RPS6KC1: variants seen among roughly 807,000 people sequenced by gnomAD.
The protein encoded by RPS6KC1 is inactive ribosomal protein S6 kinase delta-1.
A neutral mutation model predicts 103.8 loss-of-function variants in RPS6KC1; 54 were observed. That is an observed-to-expected ratio of 0.52 (90% CI 0.42 to 0.65). The LOEUF (loss-of-function observed/expected upper bound fraction) is 0.65, where lower values mean the gene tolerates loss of function less well. Ranked by LOEUF, RPS6KC1 falls within the 30% of genes least tolerant of loss-of-function variation. The pLI, the probability that RPS6KC1 is intolerant of heterozygous loss-of-function variation, is 0.00. For missense variants in RPS6KC1, 1,151 were observed against 1,253.8 expected, an observed-to-expected ratio of 0.92 and a Z score of 1.24; for synonymous variants, 439 against 438.7, an observed-to-expected ratio of 1.00 and a Z score of -0.01.
chr1:213,268,962 A>G (rs771714684), intron 14 of RPS6KC1, among the ~76,000 whole-genome samples: 10 of 152,226 alleles, frequency 6.6e-5, no homozygotes, highest in African/African-American at 1.2e-4. Flanking sequence ...CAGTAAATCT[A>G]GAAAACAAGT....
At chr1:213,197,967 G>A (rs1390529367) in intron 8 of RPS6KC1, among the ~76,000 whole-genome samples, 1 of 152,068 alleles carries the variant, frequency 6.6e-6, no homozygotes, top group Non-Finnish European at 1.5e-5. Context: ...ATTGAGATAT[G>A]AGGTATTGTT....
At chr1:213,677,922 C>G in the RPS6KC1 span, among the ~76,000 whole-genome samples, 133 of 151,998 alleles carry the variant, frequency 8.8e-4, no homozygotes, top group African/African-American at 3.0e-3. Flanking sequence ...AGGAGAATTG[C>G]TTGAACCCGG....
At chr1:213,236,802 A>G (rs1399404075) in intron 10 of RPS6KC1, among the ~76,000 whole-genome samples, 1 of 152,164 alleles carries the variant, frequency 6.6e-6, no homozygotes, top group Non-Finnish European at 1.5e-5. Flanking sequence ...TACAAAACAG[A>G]AAGGAGGTAG....
chr1:213,194,678 G>A (rs910810157), intron 8 of RPS6KC1, among the ~76,000 whole-genome samples: 23 of 152,192 alleles, frequency 1.5e-4, no homozygotes, highest in African/African-American at 5.3e-4. Context: ...TCTCATAGGA[G>A]CGCAAACCCT....
chr1:213,263,014 A>G (rs921865351), intron 14 of RPS6KC1, among the ~76,000 whole-genome samples, 198 bp downstream of exon 14: 1 of 152,200 alleles, frequency 6.6e-6, no homozygotes, highest in African/African-American at 2.4e-5. Flanking sequence ...GAGTATAGTT[A>G]AAACTTCTTG....
At chr1:213,706,756 T>C in the RPS6KC1 span, among the ~76,000 whole-genome samples, 1 of 152,136 alleles carries the variant, frequency 6.6e-6, no homozygotes, top group African/African-American at 2.4e-5. Flanking sequence ...TGCCCATATG[T>C]TCTCATTGTT....
At chr1:213,643,031 T>C in the RPS6KC1 span, among the ~76,000 whole-genome samples, 5 of 151,906 alleles carry the variant, frequency 3.3e-5, no homozygotes, top group Admixed American at 1.3e-4. Context: ...ATTGGTGTTT[T>C]CATCTATTCT....
the RPS6KC1 span, among the ~76,000 whole-genome samples, chr1:213,426,987 T>C: frequency 3.3e-5 from 5 of 152,220 alleles, no homozygotes; most frequent in African/African-American, 1.2e-4. Flanking sequence ...AAGGCAAGTT[T>C]GTTCCTTAGG....
chr1:213,421,454 T>G, the RPS6KC1 span, among the ~76,000 whole-genome samples: 1 of 152,212 alleles, frequency 6.6e-6, no homozygotes, highest in African/African-American at 2.4e-5. Context: ...TAAATCCTAA[T>G]AGTCTGTCTC....
chr1:213,503,456 G>C, the RPS6KC1 span, among the ~76,000 whole-genome samples: 1 of 152,192 alleles, frequency 6.6e-6, no homozygotes, highest in Non-Finnish European at 1.5e-5. Flanking sequence ...TTCCCCTTCA[G>C]CAGGGGCTCT....
rs540112837 is a variant in RPS6KC1 at position 213,122,976 on chromosome 1, A to G, written c.472+5566A>G. Among the ~76,000 whole-genome samples the G allele has an allele frequency of 2.1e-4, 32 of 152,226 alleles. No individual in the cohort carries two copies. In the South Asian group the frequency reaches 6.6e-3, roughly 32 times the overall value. On this transcript the variant is annotated intron_variant, in intron 5 of 14. Coordinates refer to ENST00000366960, the MANE Select transcript of RPS6KC1 (RefSeq NM_012424.6). ...CTAGGGCTATTGAGGATAATATTGGATATTAGGAGTTTAGGGGTTGGGTGG... is the reference window on the plus strand; with the variant it reads ...CTAGGGCTATTGAGGATAATATTGGGTATTAGGAGTTTAGGGGTTGGGTGG...
intron 6 of RPS6KC1, among the ~76,000 whole-genome samples, chr1:213,153,724 T>C (rs1330739311): frequency 1.3e-5 from 2 of 152,232 alleles, no homozygotes; most frequent in East Asian, 3.8e-4. Flanking sequence ...TTCTTTCTGA[T>C]TGAAGTACTC....
At chr1:213,232,313 G>A in intron 10 of RPS6KC1, 58 bp downstream of exon 10, 2 of 1,600,434 alleles carry the variant, frequency 1.2e-6, no homozygotes, top group Non-Finnish European at 1.7e-6. Context: ...TTAGCTTCCA[G>A]TTTCTCTCTG....
At chr1:213,094,237 C>G (rs780590575) in intron 3 of RPS6KC1, among the ~76,000 whole-genome samples, 3 of 152,104 alleles carry the variant, frequency 2.0e-5, no homozygotes, top group Non-Finnish European at 4.4e-5. Context: ...GAATAAAATG[C>G]AGACATCATG....
chr1:213,199,610 C>A lies in RPS6KC1; in HGVS notation c.1044+23118C>A, dbSNP rs187328773. Among the ~76,000 whole-genome samples the A allele has an allele frequency of 2.0e-5, 3 of 152,300 alleles. No individual in the cohort carries two copies. In the East Asian group the frequency reaches 5.8e-4, roughly 29 times the overall value. On this transcript the variant is annotated intron_variant, in intron 8 of 14. Transcript: ENST00000366960. ...ACAAGACAAGGATGCCCTCCCTTGC[C>A]ACTCTTATTCAACATAGTATTGGAA...
the RPS6KC1 span, among the ~76,000 whole-genome samples, chr1:213,670,227 C>CT: frequency 6.6e-6 from 1 of 152,156 alleles, no homozygotes; most frequent in African/African-American, 2.4e-5. Flanking sequence ...CTCATCTGCC[C>CT]TTAACAGTGG....
At chr1:213,855,973 G>A in the RPS6KC1 span, among the ~76,000 whole-genome samples, 3 of 152,186 alleles carry the variant, frequency 2.0e-5, no homozygotes, top group East Asian at 5.8e-4. Context: ...CTGTCTGCCT[G>A]GGCAGAGGCT....
chr1:213,088,869 G>A (rs894055668), intron 3 of RPS6KC1, among the ~76,000 whole-genome samples: 2 of 152,132 alleles, frequency 1.3e-5, no homozygotes, highest in Non-Finnish European at 2.9e-5. Flanking sequence ...AGTATTCACT[G>A]AACTTGACAC....
At chr1:213,573,544 G>C in the RPS6KC1 span, among the ~76,000 whole-genome samples, 3 of 152,302 alleles carry the variant, frequency 2.0e-5, no homozygotes, top group East Asian at 5.8e-4. Flanking sequence ...ACAGTGAAAA[G>C]AAGCAGGGAA....
Sources: gnomAD v4.1 joint callset for allele counts (sites outside exome capture counted in the v4.1 genomes callset) on GRCh38, gnomAD v4.1.1 for gene constraint, MANE v1.5 for transcripts, NCBI Gene and HGNC (gene_info 2026-07-23, HGNC 2026-07-21) for gene names.